Variants in ADGRV1 observed in about 807,000 individuals in gnomAD.
ADGRV1 encodes the protein G-protein coupled receptor 98.
Under a neutral mutation model 596.2 loss-of-function variants are expected in ADGRV1, and 359 were observed. The ratio of observed to expected loss-of-function variants is 0.60; its 90% confidence interval spans 0.55 to 0.66. The LOEUF is 0.66. Among genes scored for constraint, ADGRV1 ranks in the 30% least tolerant of loss-of-function variants. The pLI, the probability that ADGRV1 is intolerant of heterozygous loss-of-function variation, is 0.00. For synonymous variants in ADGRV1, 2,681 were observed against 2,679.2 expected (o/e 1.00, Z -0.02); for missense variants, 7,274 against 7,575.6 (o/e 0.96, Z 1.48).
chr5:91,029,207 G>A (rs142253848), intron 85 of ADGRV1, among the ~76,000 whole-genome samples: 35 of 151,800 alleles, frequency 2.3e-4, no homozygotes, highest in African/African-American at 6.8e-4. Context: ...GCGAGACTCC[G>A]TCTCAAAAAA....
intron 87 of ADGRV1, among the ~76,000 whole-genome samples, chr5:91,120,487 A>G (rs560313500): frequency 3.3e-4 from 50 of 152,170 alleles, no homozygotes; most frequent in African/African-American, 1.2e-3. Context: ...GGAAAAAGAA[A>G]TTTTTCCAGC....
intron 87 of ADGRV1, among the ~76,000 whole-genome samples, chr5:91,124,109 CT>C (rs1793553634): frequency 6.6e-6 from 1 of 152,100 alleles, no homozygotes; most frequent in Admixed American, 6.6e-5. Flanking sequence ...TCTTCAGTTG[CT>C]TTTACTTCCT....
intron 76 of ADGRV1, among the ~76,000 whole-genome samples, chr5:90,825,560 C>G (rs1764002741): frequency 6.6e-6 from 1 of 152,122 alleles, no homozygotes; most frequent in African/African-American, 2.4e-5. Flanking sequence ...TACGATCTCA[C>G]TAGGCTTTAA....
At chr5:91,148,475 C>T (rs1035774470) in intron 87 of ADGRV1, among the ~76,000 whole-genome samples, 1 of 152,212 alleles carries the variant, frequency 6.6e-6, no homozygotes, top group African/African-American at 2.4e-5. Context: ...GCAGCTTCCA[C>T]ATGGTGCTGG....
At chr5:90,687,289 G>A (rs1207372529) in intron 29 of ADGRV1, among the ~76,000 whole-genome samples, 1 of 152,166 alleles carries the variant, frequency 6.6e-6, no homozygotes, top group Non-Finnish European at 1.5e-5. Context: ...CCTTGCCCAT[G>A]CCTATGTCCT....
At chr5:90,628,028 A>G (rs1226548381) in intron 7 of ADGRV1, 4 of 273,864 alleles carry the variant, frequency 1.5e-5, no homozygotes, top group Non-Finnish European at 2.7e-5. Flanking sequence ...TGATTTAATT[A>G]TGCAAATGAT....
intron 85 of ADGRV1, among the ~76,000 whole-genome samples, chr5:91,011,738 A>G (rs2151149654): frequency 6.6e-6 from 1 of 151,722 alleles, no homozygotes; most frequent in East Asian, 1.9e-4. Context: ...TCCCATTTAG[A>G]TTTGATAAGG....
intron 20 of ADGRV1, chr5:90,654,258 C>T: frequency 2.7e-6 from 1 of 365,624 alleles, no homozygotes; most frequent in Non-Finnish European, 5.1e-6. Context: ...GAATGTTTGT[C>T]CTTCTGTGGG....
At chr5:91,015,330 G>A (rs1783088228) in intron 85 of ADGRV1, among the ~76,000 whole-genome samples, 2 of 152,116 alleles carry the variant, frequency 1.3e-5, no homozygotes, top group African/African-American at 4.8e-5. Flanking sequence ...TATGTGCCAT[G>A]TGGCGATGAG....
intron 73 of ADGRV1, among the ~76,000 whole-genome samples, chr5:90,807,977 C>A (rs958127182): frequency 1.3e-5 from 2 of 152,122 alleles, no homozygotes; most frequent in African/African-American, 2.4e-5. Flanking sequence ...GTCTGGGGTA[C>A]CATCTCCACT....
intron 53 of ADGRV1, among the ~76,000 whole-genome samples, chr5:90,751,997 T>A (rs932741932): frequency 6.6e-6 from 1 of 152,182 alleles, no homozygotes; most frequent in Non-Finnish European, 1.5e-5. Context: ...TAGACTATAG[T>A]TTGGAAGAAT....
intron 87 of ADGRV1, among the ~76,000 whole-genome samples, chr5:91,124,277 TG>T (rs1793567460): frequency 6.6e-6 from 1 of 152,322 alleles, no homozygotes; most frequent in Admixed American, 6.5e-5. Context: ...GGCTATTTTT[TG>T]TCCTTTATCC....
At chr5:90,747,582 A>T (rs926158726) in intron 52 of ADGRV1, among the ~76,000 whole-genome samples, 1 of 152,032 alleles carries the variant, frequency 6.6e-6, no homozygotes, top group Non-Finnish European at 1.5e-5. Context: ...TTGTCACAAG[A>T]TGTATAAAAT....
At chr5:90,618,060 A>G (rs1404390910) in intron 3 of ADGRV1, 107 bp downstream of exon 3, 3 of 746,848 alleles carry the variant, frequency 4.0e-6, no homozygotes, top group African/African-American at 1.8e-5. Flanking sequence ...GCCAATTCAG[A>G]TAACTGGTGG....
chr5:90,851,459 A>G (rs147001183), intron 79 of ADGRV1, among the ~76,000 whole-genome samples: 2 of 152,306 alleles, frequency 1.3e-5, no homozygotes, highest in Admixed American at 6.5e-5. Context: ...TGCATTATTT[A>G]TACATTGTCT....
intron 83 of ADGRV1, among the ~76,000 whole-genome samples, chr5:90,917,270 C>T (rs113998380): frequency 0.017 from 2,563 of 151,926 alleles, 82 homozygotes; most frequent in African/African-American, 0.059. Flanking sequence ...GAAAATGCCA[C>T]AAATAGCTAT....
chr5:90,901,318 G>T lies in ADGRV1; in HGVS notation c.17856+37461G>T, dbSNP rs373739834. ...TTCATCTTAGTCCTGACCTTACTTG[G>T]TTAGAGAGTTGTCAGGCCAACTTCA... On this transcript the variant is annotated intron_variant, in intron 83 of 89. Transcript: ENST00000405460. Among the ~76,000 whole-genome samples, 4 of 152,230 alleles carry T rather than the reference G, an allele frequency of 2.6e-5. No homozygotes were observed. The East Asian group carries it at 5.8e-4, about 22-fold the overall frequency.
chr5:91,045,126 C>T (rs1785683352), intron 85 of ADGRV1, among the ~76,000 whole-genome samples: 1 of 152,064 alleles, frequency 6.6e-6, no homozygotes, highest in African/African-American at 2.4e-5. Flanking sequence ...AGAATTGGCA[C>T]CATTACTGTT....
In ADGRV1 at chr5:90,683,816, C is replaced by T. The variant is rs1745256068; in HGVS notation, c.5895C>T (p.Ala1965=). ...SSGSLGAHIN[A]TLTVLASDDP... The stretch of plus-strand genomic sequence containing the variant: ...GTTCTTTGGGAGCTCATATTAATGC[C>T]ACGTTAACAGTTTTGGCTAGTGATG... Residue 1965 remains alanine, a synonymous_variant, in exon 28 of 90, where the codon GCC becomes GCT. Transcript: ENST00000405460. The T allele has an allele frequency of 6.2e-7, 1 of 1,613,830 alleles. No homozygotes were observed. The highest frequency in any genetic ancestry group is 8.5e-7 in the Non-Finnish European group (1 of 1,179,860).
Sources: gnomAD v4.1 joint callset for allele counts (sites outside exome capture counted in the v4.1 genomes callset) on GRCh38, gnomAD v4.1.1 for gene constraint, MANE v1.5 for transcripts, NCBI Gene and HGNC (gene_info 2026-07-23, HGNC 2026-07-21) for gene names.